STIM2: variants seen among roughly 807,000 people sequenced by gnomAD.
The protein encoded by STIM2 is stromal interaction molecule 2.
Under a neutral mutation model 85.8 loss-of-function variants are expected in STIM2, and 31 were observed. The observed-to-expected ratio is 0.36, with a 90% CI of 0.27 to 0.49. The LOEUF (loss-of-function observed/expected upper bound fraction) is 0.49, where lower values mean the gene tolerates loss of function less well. Among genes scored for constraint, STIM2 ranks in the 20% least tolerant of loss-of-function variants. The probability of loss-of-function intolerance (pLI) is 0.98; values close to 1 mark genes in which losing one functional copy is unlikely to be tolerated. For missense variants in STIM2, 841 were observed against 927.6 expected (o/e 0.91, Z 1.21); for synonymous variants, 356 against 331.1 (o/e 1.08, Z -0.82).
chr4:26,930,045 G>T (rs1008526588), intron 2 of STIM2, among the ~76,000 whole-genome samples: 3 of 152,106 alleles, frequency 2.0e-5, no homozygotes, highest in Admixed American at 2.0e-4. Context: ...TTCAGATCAG[G>T]AATAGGATAT....
At chr4:26,890,823 CA>C (rs60092225) in intron 1 of STIM2, among the ~76,000 whole-genome samples, 698 of 51,052 alleles carry the variant, frequency 0.014, 1 homozygote, top group African/African-American at 0.034. Flanking sequence ...GACTCCGTCT[CA>C]AAAAAAAAAA....
chr4:26,908,080 C>CA (rs994966877), intron 1 of STIM2, among the ~76,000 whole-genome samples: 22 of 151,884 alleles, frequency 1.4e-4, no homozygotes, highest in African/African-American at 4.3e-4. Flanking sequence ...GATAATTGTT[C>CA]AAAAAAAATC....
intron 3 of STIM2, among the ~76,000 whole-genome samples, chr4:26,974,943 C>G (rs1727124217): frequency 6.6e-6 from 1 of 152,078 alleles, no homozygotes. Context: ...TTTCTTTTTA[C>G]TCTTTTTTCT....
intron 2 of STIM2, among the ~76,000 whole-genome samples, chr4:26,938,198 A>C (rs1261770336): frequency 6.6e-6 from 1 of 151,820 alleles, no homozygotes; most frequent in Non-Finnish European, 1.5e-5. Flanking sequence ...TTTTAAAACA[A>C]AAAAATGTCC....
intron 3 of STIM2, among the ~76,000 whole-genome samples, chr4:26,970,177 T>C (rs1432082643): frequency 6.8e-6 from 1 of 146,998 alleles, no homozygotes; most frequent in Non-Finnish European, 1.5e-5. Flanking sequence ...TTTTAGGATA[T>C]TGTTTCGGTT....
chr4:26,959,835 A>G (rs995759970), intron 3 of STIM2, among the ~76,000 whole-genome samples: 3 of 152,086 alleles, frequency 2.0e-5, no homozygotes, highest in Non-Finnish European at 4.4e-5. Flanking sequence ...CCTCAGTTCA[A>G]ACAGTTGGCC....
chr4:26,879,291 C>G (rs1577411190), intron 1 of STIM2, among the ~76,000 whole-genome samples: 2 of 151,214 alleles, frequency 1.3e-5, no homozygotes, highest in South Asian at 4.2e-4. Context: ...CATGGTTTCA[C>G]TTAGTTGATT....
At chr4:26,970,142 C>T (rs1349441195) in intron 3 of STIM2, among the ~76,000 whole-genome samples, 1 of 149,062 alleles carries the variant, frequency 6.7e-6, no homozygotes, top group Non-Finnish European at 1.5e-5. Context: ...GTTAGATTCT[C>T]ATAGCTGCTT....
chr4:27,017,674 G>A (rs763823876), intron 10 of STIM2, 37 bp from the exon 11 acceptor site: 1 of 1,609,328 alleles, frequency 6.2e-7, no homozygotes, highest in Non-Finnish European at 8.5e-7. Flanking sequence ...GGGAACCCTG[G>A]ACTTCATGAG....
At chr4:26,998,274 A>G (rs1445587291) in intron 4 of STIM2, among the ~76,000 whole-genome samples, 1 of 152,094 alleles carries the variant, frequency 6.6e-6, no homozygotes, top group Non-Finnish European at 1.5e-5. Context: ...AAGTGATTTT[A>G]TTTCCTTATT....
chr4:26,989,967 C>CA (rs1298193509), intron 3 of STIM2, among the ~76,000 whole-genome samples: 4 of 151,716 alleles, frequency 2.6e-5, no homozygotes, highest in Non-Finnish European at 5.9e-5. Flanking sequence ...AGAGGATTCA[C>CA]AAAAAAGGAA....
At position 26,860,924 on chromosome 4, in the gene STIM2, C is replaced by CTTTT; in HGVS notation, c.-280_-277dup. The CTTTT allele has an allele frequency of 4.0e-6, 4 of 1,010,180 alleles. No individual in the cohort carries two copies. Among genetic ancestry groups the CTTTT allele is most frequent in the Non-Finnish European group, 4.9e-6 (4 of 824,182 alleles). 62.6% of individuals were successfully genotyped at this position (1,010,180 alleles called of 1,614,324 possible). ...GACGCCGTACCTTTCTACCCCCCAC[C>CTTTT]TTTTTTTTTTTTTTTTTTAAATAAC... On this transcript the variant is annotated 5_prime_UTR_variant, in exon 1 of 12. Coordinates refer to ENST00000467087, the MANE Select transcript of STIM2 (RefSeq NM_020860.4).
chr4:26,864,751 T>G (rs747659510), intron 1 of STIM2, among the ~76,000 whole-genome samples: 7 of 152,150 alleles, frequency 4.6e-5, no homozygotes, highest in Non-Finnish European at 1.0e-4. Flanking sequence ...ATTTAATATA[T>G]TCTTAGTTCA....
At chr4:26,969,475 C>G (rs748370555) in intron 3 of STIM2, among the ~76,000 whole-genome samples, 4 of 152,162 alleles carry the variant, frequency 2.6e-5, no homozygotes, top group South Asian at 2.1e-4. Context: ...TGCTACAGCT[C>G]TACTGCAATG....
chr4:26,928,075 A>G (rs1331554685), intron 2 of STIM2, among the ~76,000 whole-genome samples: 1 of 151,652 alleles, frequency 6.6e-6, no homozygotes, highest in East Asian at 1.9e-4. Context: ...CGTTGCCTGG[A>G]GGGAGGACTG....
At chr4:26,969,901 T>A (rs1169091061) in intron 3 of STIM2, among the ~76,000 whole-genome samples, 1 of 152,178 alleles carries the variant, frequency 6.6e-6, no homozygotes, top group Non-Finnish European at 1.5e-5. Flanking sequence ...TCTGCATAAC[T>A]GATTGTTCAA....
chr4:26,940,199 T>C (rs927802707), intron 2 of STIM2, among the ~76,000 whole-genome samples: 10 of 152,310 alleles, frequency 6.6e-5, no homozygotes, highest in South Asian at 2.1e-4. Flanking sequence ...GAGGATAGGA[T>C]TGAAAAGAAC....
At chr4:26,958,186 T>C (rs1726322440) in intron 3 of STIM2, among the ~76,000 whole-genome samples, 1 of 152,122 alleles carries the variant, frequency 6.6e-6, no homozygotes, top group Non-Finnish European at 1.5e-5. Flanking sequence ...TAATTGGTAT[T>C]TTATTCCCTT....
chr4:26,861,350 T>G lies in STIM2; in HGVS notation c.132T>G (p.Asp44Glu). ...CCTCTCCCGCCGCGGCGGCCGGCGATAGCCCGGCGCTCATGACAGGTGAGG... is the reference window on the plus strand; with the variant it reads ...CCTCTCCCGCCGCGGCGGCCGGCGAGAGCCCGGCGCTCATGACAGGTGAGG... The change falls in exon 1 of 12, where the codon GAT becomes GAG. Residue 44 changes from aspartate (D) to glutamate (E), a missense_variant. Asp to Glu is a conservative substitution (Grantham distance 45, BLOSUM62 2). This residue lies in a region of STIM2 where 140 missense variants were observed against 117.7 expected (regional missense o/e 1.19). Coordinates refer to ENST00000467087, the MANE Select transcript of STIM2 (RefSeq NM_020860.4). 7.3e-7 allele frequency: 1 copy of G among 1,367,910 alleles called. No homozygotes were observed. Among genetic ancestry groups the G allele is most frequent in the Non-Finnish European group, 9.4e-7 (1 of 1,066,074 alleles). 84.7% of individuals were successfully genotyped at this position (1,367,910 alleles called of 1,614,324 possible). A position where few individuals can be genotyped will look rare whatever the true frequency, so the allele number is the denominator to read the frequency against.
Sources: allele counts gnomAD v4.1 joint callset (sites outside exome capture counted in the v4.1 genomes callset), GRCh38; gene constraint gnomAD v4.1.1; regional missense constraint gnomAD v4.1.1; transcripts MANE v1.5; gene names NCBI Gene and HGNC (gene_info 2026-07-23, HGNC 2026-07-21).